CPLX2: variants seen among roughly 807,000 people sequenced by gnomAD.
CPLX2 encodes complexin-2.
Under a neutral mutation model 16.3 loss-of-function variants are expected in CPLX2, and 5 were observed. The ratio of observed to expected loss-of-function variants is 0.31; its 90% CI spans 0.16 to 0.64. The LOEUF (loss-of-function observed/expected upper bound fraction) is 0.64. Among genes scored for constraint, CPLX2 ranks in the 30% least tolerant of loss-of-function variants. The probability of loss-of-function intolerance (pLI) is 0.79; values close to 1 mark genes in which losing one functional copy is unlikely to be tolerated. For synonymous variants in CPLX2, 89 were observed against 73.2 expected, an observed-to-expected ratio of 1.22 and a Z score of -1.10; for missense variants, 144 against 181.4, an observed-to-expected ratio of 0.79 and a Z score of 1.18.
chr5:175,801,830 C>T (rs919634604), intron 1 of CPLX2, among the ~76,000 whole-genome samples: 2 of 152,144 alleles, frequency 1.3e-5, no homozygotes, highest in African/African-American at 4.8e-5. Context: ...GGCTCGGGGC[C>T]TCGAATCCCA....
In CPLX2 at chr5:175,809,731, C is replaced by A. The variant is rs1358940084; in HGVS notation, c.-89+663C>A. The stretch of plus-strand genomic sequence containing the variant: ...AGCTCGGATCACACCCGGCATCCCT[C>A]ATCCACATCGCCTCTTCCCCACCAC... On this transcript the variant is annotated intron_variant, in intron 2 of 4. Transcript: ENST00000359546. This position sits in a 1 kb window ranked among gnomAD's most constrained non-coding sequence, Gnocchi z 4.4. Among the ~76,000 whole-genome samples, 3 of 152,310 alleles carry A rather than the reference C, an allele frequency of 2.0e-5. No homozygotes were observed. The highest frequency in any genetic ancestry group is 2.1e-4 in the South Asian group (1 of 4,824).
intron 1 of CPLX2, among the ~76,000 whole-genome samples, chr5:175,875,350 G>A (rs1420144226): frequency 1.3e-5 from 2 of 152,154 alleles, no homozygotes; most frequent in Middle Eastern, 3.2e-3. Context: ...TAGATGAATT[G>A]GCTTCAGCCA....
intron 2 of CPLX2, among the ~76,000 whole-genome samples, chr5:175,826,066 G>A (rs1023359032): frequency 1.3e-5 from 2 of 151,894 alleles, no homozygotes; most frequent in Non-Finnish European, 2.9e-5. Context: ...GGATGCACAG[G>A]GCTTGGTGCA....
At chr5:175,831,539 T>C (rs531201140) in intron 2 of CPLX2, among the ~76,000 whole-genome samples, 1 of 152,334 alleles carries the variant, frequency 6.6e-6, no homozygotes, top group South Asian at 2.1e-4. Context: ...AAGTGTCTGA[T>C]GCAAGTGTCT....
intron 2 of CPLX2, among the ~76,000 whole-genome samples, chr5:175,848,671 G>A (rs1213432037): frequency 6.6e-6 from 1 of 152,188 alleles, no homozygotes; most frequent in Non-Finnish European, 1.5e-5. Context: ...GATAATTCCA[G>A]ACAGTGGCAA....
At chr5:175,828,252 T>G (rs1001353808) in intron 2 of CPLX2, among the ~76,000 whole-genome samples, 1 of 152,046 alleles carries the variant, frequency 6.6e-6, no homozygotes, top group Non-Finnish European at 1.5e-5. Context: ...CCTGAGAAAG[T>G]GTGGTGGTCC....
chr5:175,839,843 T>C (rs1758915486), intron 2 of CPLX2, among the ~76,000 whole-genome samples: 3 of 152,254 alleles, frequency 2.0e-5, no homozygotes, highest in Admixed American at 1.3e-4. Context: ...TGACACATTT[T>C]TCCATTTTAG....
chr5:175,865,724 T>C (rs920822929), intron 2 of CPLX2, among the ~76,000 whole-genome samples: 12 of 152,234 alleles, frequency 7.9e-5, no homozygotes, highest in African/African-American at 2.2e-4. Context: ...TCTGACTCTA[T>C]TGACCCAGGG....
At chr5:175,814,314 C>A (rs1055755569) in intron 2 of CPLX2, among the ~76,000 whole-genome samples, 1 of 152,284 alleles carries the variant, frequency 6.6e-6, no homozygotes, top group African/African-American at 2.4e-5. Flanking sequence ...CTGCCTGAGC[C>A]GGGAGTGCAG....
chr5:175,850,631 C>T (rs1759132978), intron 2 of CPLX2, among the ~76,000 whole-genome samples: 1 of 152,158 alleles, frequency 6.6e-6, no homozygotes, highest in African/African-American at 2.4e-5. Context: ...CAGCAAAGGC[C>T]CTGAGAAGTC....
rs1276363614 is a variant in CPLX2 at position 175,881,563 on chromosome 5, G to A, written c.*1518G>A. The A allele has an allele frequency of 6.5e-6, 1 of 153,046 alleles. No homozygotes were observed. Among genetic ancestry groups the A allele is most frequent in the Non-Finnish European group, 1.5e-5 (1 of 68,142 alleles). The allele number at this position is 153,046 out of a possible 1,614,324, so 9.5% of individuals were successfully genotyped here. On this transcript the variant is annotated 3_prime_UTR_variant, in exon 4 of 4. Transcript: ENST00000393745. ...AATTCAGAGACATTTGAAGGCTGCT[G>A]TGTGCATGTTTGGGGGTCTGAAAAG...
Position 175,880,108 on chromosome 5 carries a change from T to C in CPLX2, c.*63T>C. The C allele has an allele frequency of 6.5e-7, 1 of 1,527,132 alleles. No individual in the cohort carries two copies. Among genetic ancestry groups the C allele is most frequent in the Non-Finnish European group, 8.9e-7 (1 of 1,122,538 alleles). 94.6% of individuals were successfully genotyped at this position (1,527,132 alleles called of 1,614,324 possible). A position where few individuals can be genotyped will look rare whatever the true frequency, so the allele number is the denominator to read the frequency against. On this transcript the variant is annotated 3_prime_UTR_variant, in exon 4 of 4. Coordinates refer to ENST00000393745, the MANE Select transcript of CPLX2 (RefSeq NM_001008220.2). ...CTTCTTTTTGGTTCTTTCTTTTCTT[T>C]TTATTAGGTTAAGTCTCAATTCTGA...
chr5:175,867,426 C>T (rs55698422), upstream of CPLX2, among the ~76,000 whole-genome samples: 80,327 of 151,920 alleles, frequency 0.53, 22,928 homozygotes, highest in East Asian at 0.8. Context: ...GACAGCAACA[C>T]TCAGACATAC....
intron 2 of CPLX2, among the ~76,000 whole-genome samples, chr5:175,839,916 T>C (rs1190041429): frequency 2.6e-5 from 4 of 152,262 alleles, no homozygotes; most frequent in Non-Finnish European, 4.4e-5. Flanking sequence ...CTGCCAAATG[T>C]GGCATTTTAA....
At chr5:175,813,974 G>T (rs1321647781) in intron 2 of CPLX2, among the ~76,000 whole-genome samples, 1 of 152,230 alleles carries the variant, frequency 6.6e-6, no homozygotes. Flanking sequence ...CTGCATTCCT[G>T]TTTATGAGAA....
rs143041619 is a variant in CPLX2 at position 175,849,166 on chromosome 5, C to T, written c.-88-29486C>T. ...GCCAGTGCTGCCGTGTGTGCAGGAC[C>T]GATGTCCACACTTCACAGGTGGAAA... On this transcript the variant is annotated intron_variant, in intron 2 of 4. Coordinates refer to the CPLX2 transcript ENST00000359546. The surrounding 1 kb of genome is among the most constrained non-coding windows in gnomAD (Gnocchi z 4.4). Among the ~76,000 whole-genome samples the T allele has an allele frequency of 1.5e-3, 235 of 152,230 alleles. 4 individuals carry two copies. In the East Asian group the frequency reaches 0.037, roughly 24 times the overall value.
intron 1 of CPLX2, among the ~76,000 whole-genome samples, chr5:175,802,506 T>C (rs752799423): frequency 1.2e-4 from 19 of 152,194 alleles, no homozygotes; most frequent in Admixed American, 5.9e-4. Context: ...CCATTAGAAT[T>C]CCTGTCTCTG....
intron 3 of CPLX2, 142 bp downstream of exon 3, chr5:175,879,225 C>T (rs1755507678): frequency 5.6e-6 from 5 of 899,138 alleles, no homozygotes; most frequent in East Asian, 2.7e-5. Context: ...ATCAGCAAAA[C>T]GGGTATCACA....
At chr5:175,866,531 A>G (rs546543863) in intron 2 of CPLX2, among the ~76,000 whole-genome samples, 10 of 146,518 alleles carry the variant, frequency 6.8e-5, no homozygotes, top group Non-Finnish European at 1.4e-4. Flanking sequence ...ACAGGGCTAC[A>G]GTGTGGGCTG....
Sources: gnomAD v4.1 joint callset for allele counts (sites outside exome capture counted in the v4.1 genomes callset) on GRCh38, gnomAD v4.1.1 for gene constraint, Gnocchi (gnomAD v3.1) non-coding constraint, MANE v1.5 for transcripts, NCBI Gene and HGNC (gene_info 2026-07-23, HGNC 2026-07-21) for gene names.